ZNF518A: variants seen among roughly 807,000 people sequenced by gnomAD.
The protein encoded by ZNF518A is zinc finger protein 518.
In ZNF518A, 47 loss-of-function variants were observed where a neutral mutation model predicts 102.7. That is an observed-to-expected ratio of 0.46 (90% CI 0.36 to 0.58). The LOEUF (loss-of-function observed/expected upper bound fraction) is 0.58. ZNF518A is among the 20% of genes least tolerant of loss of function. The pLI, the probability that ZNF518A is intolerant of heterozygous loss-of-function variation, is 0.00. For missense variants in ZNF518A, 1,793 were observed against 1,699.8 expected, an observed-to-expected ratio of 1.05 and a Z score of -0.96; for synonymous variants, 652 against 594.6, an observed-to-expected ratio of 1.10 and a Z score of -1.40.
chr10:96,156,479 C>T lies in ZNF518A; in HGVS notation c.157C>T (p.Pro53Ser), dbSNP rs782812779. The stretch of plus-strand genomic sequence containing the variant: ...ACTAAAAAATGTGAAAATTGATTTG[C>T]CAAAAATAAATATTCCAAATGAAGT... ...YALKNVKIDL[P>S]KINIPNEVLL... Residue 53 changes from proline (P) to serine (S), a missense_variant, in exon 6 of 6, where the codon CCA becomes TCA. Physicochemically the swap from Pro to Ser is moderately conservative, Grantham distance 74 (BLOSUM62 -1). Coordinates refer to ENST00000316045, the MANE Select transcript of ZNF518A (RefSeq NM_001330736.2). The T allele has an allele frequency of 1.2e-6, 2 of 1,610,892 alleles. No homozygotes were observed. Among genetic ancestry groups the T allele is most frequent in the South Asian group, 2.2e-5 (2 of 89,880 alleles).
intron 3 of ZNF518A, among the ~76,000 whole-genome samples, chr10:96,138,937 ATTTTTTTT>A (rs782442450): frequency 7.4e-6 from 1 of 136,050 alleles, no homozygotes; most frequent in Non-Finnish European, 1.6e-5. Context: ...AAAGTGGCGA[ATTTTTTTT>A]TTTTTTTTTT....
chr10:96,190,208 C>T (rs868910146), intron 1 of ZNF518A: 22 of 770,810 alleles, frequency 2.9e-5, no homozygotes, highest in East Asian at 1.2e-4. Flanking sequence ...CCATGTCCAT[C>T]GAATCTTCCA....
chr10:96,181,174 C>A (rs187976012), intron 1 of ZNF518A, among the ~76,000 whole-genome samples: 43 of 152,240 alleles, frequency 2.8e-4, no homozygotes, highest in Non-Finnish European at 1.6e-4. Context: ...TGTCCTTCAC[C>A]CACTTTTTGA....
intron 3 of ZNF518A, among the ~76,000 whole-genome samples, chr10:96,141,312 A>G (rs2081912823): frequency 6.6e-6 from 1 of 152,078 alleles, no homozygotes; most frequent in Non-Finnish European, 1.5e-5. Context: ...TACTCAGAGA[A>G]AGGAGAGATT....
rs1411114987 is a variant in ZNF518A at position 96,156,863 on chromosome 10, A to G, written c.541A>G (p.Ile181Val). The G allele has an allele frequency of 5.6e-6, 9 of 1,613,766 alleles. No individual in the cohort carries two copies. The highest frequency in any genetic ancestry group is 6.8e-6 in the Non-Finnish European group (8 of 1,179,798). The change falls in exon 6 of 6, where the codon ATT (isoleucine) becomes GTT (valine). Residue 181 changes from isoleucine to valine, a missense_variant. This residue lies in a region of ZNF518A where 1,741 missense variants were observed against 1,622.6 expected (regional missense o/e 1.07). Transcript: ENST00000316045. ...THRSTLVKCD[I>V]CNNESVYTLL... is the part of the protein sequence containing the mutation. The stretch of plus-strand genomic sequence containing the variant: ...TAGAAGCACTTTAGTAAAATGTGAC[A>G]TTTGTAACAATGAGAGTGTATATAC...
chr10:96,183,378 C>T (rs1317981729), intron 1 of ZNF518A, among the ~76,000 whole-genome samples: 2 of 152,106 alleles, frequency 1.3e-5, no homozygotes, highest in East Asian at 3.8e-4. Flanking sequence ...TTTGCCCTTG[C>T]TTCTCTAGCT....
At chr10:96,198,778 A>G (rs1168183072) in intron 1 of ZNF518A, among the ~76,000 whole-genome samples, 1 of 152,194 alleles carries the variant, frequency 6.6e-6, no homozygotes, top group Non-Finnish European at 1.5e-5. Flanking sequence ...GGCTCACTGC[A>G]ACTTCCGCCT....
At chr10:96,195,081 A>C (rs2083432243) in intron 1 of ZNF518A, among the ~76,000 whole-genome samples, 1 of 152,162 alleles carries the variant, frequency 6.6e-6, no homozygotes, top group Admixed American at 6.5e-5. Flanking sequence ...AGAAATGCAA[A>C]TTAAAACCAC....
intron 1 of ZNF518A, among the ~76,000 whole-genome samples, chr10:96,177,157 A>G (rs1344201788): frequency 1.3e-5 from 2 of 152,164 alleles, no homozygotes; most frequent in Non-Finnish European, 2.9e-5. Flanking sequence ...GAAAGTACAC[A>G]TATGTGTTGA....
Position 96,158,338 on chromosome 10 carries a change from A to G in ZNF518A, c.2016A>G (p.Thr672=), listed in dbSNP as rs782601347. ...AAAGAGAATCTTCATCCAGCAAAAC[A>G]GTTGTCCAACAACCAATTAGTGAAT... The part of the protein sequence containing the change: ...NPQRESSSSK[T]VVQQPISESF... The change falls in exon 6 of 6, where the codon ACA becomes ACG. Residue 672 remains threonine, a synonymous_variant. Coordinates refer to ENST00000316045, the MANE Select transcript of ZNF518A (RefSeq NM_001330736.2). 6.2e-7 allele frequency: 1 copy of G among 1,613,798 alleles called. No individual in the cohort carries two copies. Among genetic ancestry groups the G allele is most frequent in the Non-Finnish European group, 8.5e-7 (1 of 1,179,764 alleles).
rs921718017 is a variant in ZNF518A at position 96,130,477 on chromosome 10, C to G, written c.-728C>G. On this transcript the variant is annotated 5_prime_UTR_variant, in exon 1 of 6. Transcript: ENST00000316045. ...GTAGGAGACGGTGTGCCTCCGCGCT[C>G]CCCGCGGGGCAGCCGAACCCCGGAG... 6.6e-6 allele frequency among the ~76,000 whole-genome samples: 1 copy of G among 152,222 alleles called. No homozygotes were observed. Among genetic ancestry groups the G allele is most frequent in the Non-Finnish European group, 1.5e-5 (1 of 68,036 alleles).
intron 2 of ZNF518A, among the ~76,000 whole-genome samples, chr10:96,133,098 A>G (rs1041708793): frequency 6.6e-6 from 1 of 152,094 alleles, no homozygotes; most frequent in Non-Finnish European, 1.5e-5. Flanking sequence ...AAAAAAAGTA[A>G]TTTTTGGTTT....
At chr10:96,174,048 A>G (rs1420210117) in intron 1 of ZNF518A, among the ~76,000 whole-genome samples, 1 of 152,166 alleles carries the variant, frequency 6.6e-6, no homozygotes, top group East Asian at 1.9e-4. Context: ...TAATAAAAGA[A>G]AAAACATAAC....
In ZNF518A at chr10:96,161,388, C is replaced by CT. The variant is rs2082994315; in HGVS notation, c.*615dup. 6.0e-6 allele frequency: 1 copy of CT among 166,996 alleles called. No individual in the cohort carries two copies. 10.3% of individuals were successfully genotyped at this position (166,996 alleles called of 1,614,324 possible). A position where few individuals can be genotyped will look rare whatever the true frequency, so the allele number is the denominator to read the frequency against. On this transcript the variant is annotated 3_prime_UTR_variant, in exon 6 of 6. Coordinates refer to ENST00000316045, the MANE Select transcript of ZNF518A (RefSeq NM_001330736.2). Reference sequence around the variant, plus strand: ...AGTAAATTTTTTTTCCAGTTGAACTCTGTCACTTGTTAGAGATTGGGAACA... The same window carrying CT: ...AGTAAATTTTTTTTCCAGTTGAACTCTTGTCACTTGTTAGAGATTGGGAACA...
At chr10:96,204,248 A>C, downstream of ZNF518A, 1 of 824,394 alleles carries the variant, frequency 1.2e-6, no homozygotes, top group Non-Finnish European at 2.0e-6. Flanking sequence ...CCAAAACCTT[A>C]AAGATAAGTA....
intron 1 of ZNF518A, among the ~76,000 whole-genome samples, chr10:96,183,408 G>A (rs2083251684): frequency 6.6e-6 from 1 of 151,900 alleles, no homozygotes; most frequent in African/African-American, 2.4e-5. Flanking sequence ...GTGATGTTAG[G>A]GTGTCAATTT....
chr10:96,187,560 TATG>T (rs1199232024), intron 1 of ZNF518A, among the ~76,000 whole-genome samples: 1 of 152,206 alleles, frequency 6.6e-6, no homozygotes, highest in Non-Finnish European at 1.5e-5. Context: ...CTGGCTAACT[TATG>T]ATAACACACA....
downstream of ZNF518A, among the ~76,000 whole-genome samples, chr10:96,165,088 A>G (rs1554889857): frequency 1.3e-5 from 2 of 152,222 alleles, no homozygotes; most frequent in Non-Finnish European, 2.9e-5. Flanking sequence ...TTCCTGAACA[A>G]TTAACAGTAA....
intron 1 of ZNF518A, among the ~76,000 whole-genome samples, chr10:96,185,854 C>T (rs1272364625): frequency 2.6e-5 from 4 of 152,230 alleles, no homozygotes; most frequent in Non-Finnish European, 4.4e-5. Context: ...AGGCAGGCCT[C>T]CTTGAGCTGC....
Sources: gnomAD v4.1 joint callset for allele counts (sites outside exome capture counted in the v4.1 genomes callset) on GRCh38, gnomAD v4.1.1 for gene constraint, gnomAD v4.1.1 regional missense constraint, MANE v1.5 for transcripts, NCBI Gene and HGNC (gene_info 2026-07-23, HGNC 2026-07-21) for gene names.